The following ADD3 variants were observed in gnomAD, a reference collection of about 807,000 sequenced individuals.
ADD3 encodes the protein gamma-adducin.
ADD3 carries 25 observed loss-of-function variants against 80.2 expected under a neutral mutation model. That is an observed-to-expected ratio of 0.31 (90% CI 0.23 to 0.44). The LOEUF (loss-of-function observed/expected upper bound fraction) is 0.44, where lower values mean the gene tolerates loss of function less well. Ranked by LOEUF, ADD3 falls within the 20% of genes least tolerant of loss-of-function variation. The probability of loss-of-function intolerance (pLI) is 1.00; values close to 1 mark genes in which losing one functional copy is unlikely to be tolerated. For missense variants in ADD3, 829 were observed against 847.5 expected (o/e 0.98, Z 0.27); for synonymous variants, 284 against 289.6 (o/e 0.98, Z 0.20).
upstream of ADD3, among the ~76,000 whole-genome samples, chr10:110,002,475 G>A (rs1397907746): frequency 6.6e-6 from 1 of 151,814 alleles, no homozygotes; most frequent in Non-Finnish European, 1.5e-5. Context: ...GGGGTTTCAT[G>A]GTGTTAGCCA....
Position 110,116,421 on chromosome 10 carries a change from C to A in ADD3, c.486+11C>A. The A allele has an allele frequency of 2.5e-6, 4 of 1,612,516 alleles. No homozygotes were observed. Among genetic ancestry groups the A allele is most frequent in the Non-Finnish European group, 2.5e-6 (3 of 1,179,434 alleles). ...AATACCTATATCTCAGTGAGTTCTT[C>A]AGCTTTCAATTCCTTTTTTAAAAAA... On this transcript the variant is annotated intron_variant, in intron 4 of 14. Coordinates refer to ENST00000356080, the MANE Select transcript of ADD3 (RefSeq NM_016824.5).
chr10:110,017,739 C>T (rs982879231), intron 1 of ADD3, among the ~76,000 whole-genome samples: 1 of 152,148 alleles, frequency 6.6e-6, no homozygotes, highest in Admixed American at 6.5e-5. Context: ...ATACCAAGTA[C>T]GTTCTGTATA....
chr10:110,011,969 C>T (rs1431009404), intron 1 of ADD3, among the ~76,000 whole-genome samples: 1 of 152,202 alleles, frequency 6.6e-6, no homozygotes, highest in Non-Finnish European at 1.5e-5. Context: ...CAAGAATCCT[C>T]TAAAACATAC....
At chr10:110,103,650 G>A (rs537965135) in intron 2 of ADD3, among the ~76,000 whole-genome samples, 13 of 152,150 alleles carry the variant, frequency 8.5e-5, no homozygotes, top group Non-Finnish European at 1.5e-5. Flanking sequence ...TGCTCCAGGG[G>A]AGAGAAATTA....
rs567132578 is a variant in ADD3, at chr10:110,092,344, T to C, written c.-29-8281T>C. Among the ~76,000 whole-genome samples the C allele has an allele frequency of 2.0e-5, 3 of 152,256 alleles. No homozygotes were observed. In the South Asian group the frequency reaches 6.2e-4, roughly 32 times the overall value. ...TAGATGTCCATAACAGTGGTCTGAATGAAGAAAATTTGGTACATATATACC... is the reference window on the plus strand; with the variant it reads ...TAGATGTCCATAACAGTGGTCTGAACGAAGAAAATTTGGTACATATATACC... On this transcript the variant is annotated intron_variant, in intron 1 of 14. Coordinates refer to ENST00000356080, the MANE Select transcript of ADD3 (RefSeq NM_016824.5).
intron 1 of ADD3, among the ~76,000 whole-genome samples, chr10:110,052,661 CT>C (rs1205405638): frequency 6.6e-6 from 1 of 152,218 alleles, no homozygotes; most frequent in Non-Finnish European, 1.5e-5. Flanking sequence ...CTTTCTTAAA[CT>C]GCAGGCTCCT....
At chr10:110,058,966 A>G (rs1030035491) in intron 1 of ADD3, among the ~76,000 whole-genome samples, 4 of 152,230 alleles carry the variant, frequency 2.6e-5, no homozygotes, top group Admixed American at 6.5e-5. Flanking sequence ...TTTTAAAATT[A>G]TAGTTTATAA....
intron 1 of ADD3, among the ~76,000 whole-genome samples, chr10:110,089,189 T>G (rs1847173242): frequency 6.6e-6 from 1 of 152,090 alleles, no homozygotes; most frequent in Non-Finnish European, 1.5e-5. Context: ...AAAAAAAAGC[T>G]TTTTGCCTAG....
chr10:110,087,670 CG>C (rs1478663196), intron 1 of ADD3, among the ~76,000 whole-genome samples: 1 of 152,080 alleles, frequency 6.6e-6, no homozygotes, highest in African/African-American at 2.4e-5. Flanking sequence ...AGTGTTTTGA[CG>C]ATTTGTTATT....
upstream of ADD3, among the ~76,000 whole-genome samples, chr10:110,005,525 T>C (rs1010986948): frequency 2.6e-5 from 4 of 152,224 alleles, no homozygotes; most frequent in African/African-American, 9.6e-5. Context: ...TTTATTCTTA[T>C]ATTAAATACT....
chr10:110,010,904 T>A (rs754382022), intron 1 of ADD3, among the ~76,000 whole-genome samples: 7 of 152,188 alleles, frequency 4.6e-5, no homozygotes, highest in Non-Finnish European at 7.3e-5. Flanking sequence ...TTTAACCACA[T>A]CCTCTGGTAT....
Position 110,122,110 on chromosome 10 carries a change from G to A in ADD3, c.961G>A (p.Val321Met), listed in dbSNP as rs1590218871. The A allele has an allele frequency of 6.2e-7, 1 of 1,611,346 alleles. No individual in the cohort carries two copies. The highest frequency in any genetic ancestry group is 8.5e-7 in the Non-Finnish European group (1 of 1,178,384). Residue 321 changes from valine to methionine, a missense_variant and splice_region_variant, in exon 9 of 15, where the codon GTG becomes ATG. Coordinates refer to ENST00000356080, the MANE Select transcript of ADD3 (RefSeq NM_016824.5). ...FNVQLACEIQ[V>M]QALAGAGGVD... ...CTGTATATTTTACCATTGATTACAG[G>A]TGCAGGCCCTAGCAGGTGCAGGTGG...
intron 1 of ADD3, among the ~76,000 whole-genome samples, chr10:110,056,054 G>A (rs745815330): frequency 6.6e-6 from 1 of 152,162 alleles, no homozygotes; most frequent in Non-Finnish European, 1.5e-5. Context: ...CCTGAAGGCT[G>A]TTGTATTGCA....
chr10:110,103,204 G>A (rs540266518), intron 2 of ADD3, among the ~76,000 whole-genome samples: 2 of 152,324 alleles, frequency 1.3e-5, no homozygotes, highest in East Asian at 3.9e-4. Context: ...TTCACCAAGG[G>A]AAATGATACT....
At chr10:110,102,122 A>G (rs1221568361) in intron 2 of ADD3, among the ~76,000 whole-genome samples, 1 of 152,200 alleles carries the variant, frequency 6.6e-6, no homozygotes, top group Non-Finnish European at 1.5e-5. Flanking sequence ...TTTATTTTTT[A>G]TAGTGCCCAC....
chr10:110,120,004 ATATT>A (rs1851255395), intron 8 of ADD3, among the ~76,000 whole-genome samples: 1 of 152,168 alleles, frequency 6.6e-6, no homozygotes, highest in Non-Finnish European at 1.5e-5. Context: ...GAGAGGTTGG[ATATT>A]TATTAATCAT....
chr10:110,072,150 C>G (rs1014915267), intron 1 of ADD3, among the ~76,000 whole-genome samples: 8 of 152,220 alleles, frequency 5.3e-5, no homozygotes, highest in Non-Finnish European at 8.8e-5. Flanking sequence ...CAAGCTCCGC[C>G]TCCTGGGTTC....
chr10:110,028,826 AAAATCACAATT>A (rs1854626211), intron 1 of ADD3, among the ~76,000 whole-genome samples: 1 of 152,200 alleles, frequency 6.6e-6, no homozygotes, highest in South Asian at 2.1e-4. Context: ...AGTTAAGAGA[AAAATCACAATT>A]AACTCTCGTC....
intron 12 of ADD3, 109 bp from the exon 13 acceptor site, chr10:110,130,254 A>G: frequency 9.1e-7 from 1 of 1,099,282 alleles, no homozygotes; most frequent in Non-Finnish European, 1.3e-6. Context: ...TTGTGAAATA[A>G]GGCTTCACAA....
Sources: allele counts gnomAD v4.1 joint callset (sites outside exome capture counted in the v4.1 genomes callset), GRCh38; gene constraint gnomAD v4.1.1; transcripts MANE v1.5; gene names NCBI Gene and HGNC (gene_info 2026-07-23, HGNC 2026-07-21).